Variants in RBFOX1 observed in about 807,000 individuals in gnomAD.
RBFOX1 encodes RNA binding fox-1 homolog 1, also known as RNA binding protein fox-1 homolog 1.
A neutral mutation model predicts 57.7 loss-of-function variants in RBFOX1; 8 were observed. The observed-to-expected ratio is 0.14, with a 90% confidence interval of 0.08 to 0.25. The LOEUF is 0.25. Ranked by LOEUF, RBFOX1 falls within the 10% of genes least tolerant of loss-of-function variation. The pLI, the probability that RBFOX1 is intolerant of heterozygous loss-of-function variation, is 1.00. For synonymous variants in RBFOX1, 326 were observed against 222.4 expected, an observed-to-expected ratio of 1.47 and a Z score of -4.15; for missense variants, 611 against 548.5, an observed-to-expected ratio of 1.11 and a Z score of -1.14.
intron 1 of RBFOX1, among the ~76,000 whole-genome samples, chr16:5,301,637 A>AAC (rs1555484677): frequency 6.6e-5 from 10 of 150,740 alleles, no homozygotes; most frequent in African/African-American, 1.5e-4. Flanking sequence ...AAAAAAAAAA[A>AAC]ACACACAAAA....
rs1017857510 is a variant in RBFOX1 at position 6,185,670 on chromosome 16, C to T, written c.-126-131325C>T. Among the ~76,000 whole-genome samples, 4 of 152,218 alleles carry T rather than the reference C, an allele frequency of 2.6e-5. No homozygotes were observed. In the East Asian group the frequency reaches 5.8e-4, roughly 22 times the overall value. ...TAGAATATAATATTTCACCCCTATACACTTGTGGGTCTAAATTGTTAATGT... is the reference window on the plus strand; with the variant it reads ...TAGAATATAATATTTCACCCCTATATACTTGTGGGTCTAAATTGTTAATGT... On this transcript the variant is annotated intron_variant, in intron 1 of 15. Transcript: ENST00000550418.
At chr16:5,628,286 C>T (rs978800089) in intron 3 of RBFOX1, among the ~76,000 whole-genome samples, 1 of 152,166 alleles carries the variant, frequency 6.6e-6, no homozygotes, top group African/African-American at 2.4e-5. Flanking sequence ...AAATGGTGAT[C>T]CTACCTGTGA....
At chr16:6,602,827 G>T (rs560741579) in intron 2 of RBFOX1, among the ~76,000 whole-genome samples, 1 of 152,054 alleles carries the variant, frequency 6.6e-6, no homozygotes. Flanking sequence ...AAGACAACTG[G>T]AGCTCATGCC....
intron 3 of RBFOX1, among the ~76,000 whole-genome samples, chr16:6,927,295 A>C (rs1465827670): frequency 2.0e-5 from 3 of 151,370 alleles, no homozygotes; most frequent in African/African-American, 7.3e-5. Flanking sequence ...CACCTGTAGT[A>C]TCAGCTACTT....
intron 3 of RBFOX1, among the ~76,000 whole-genome samples, chr16:6,782,872 C>T (rs965347497): frequency 6.6e-6 from 1 of 152,100 alleles, no homozygotes; most frequent in Non-Finnish European, 1.5e-5. Context: ...CTGTTTCTCT[C>T]TTTATCTCTA....
intron 2 of RBFOX1, among the ~76,000 whole-genome samples, chr16:6,424,982 A>G (rs554321380): frequency 7.2e-5 from 11 of 152,322 alleles, no homozygotes; most frequent in South Asian, 2.1e-4. Flanking sequence ...AGGAAAAAAT[A>G]CTCTACAATA....
At chr16:6,063,506 C>CACACACACACACA (rs780793142) in intron 1 of RBFOX1, among the ~76,000 whole-genome samples, 1 of 42,526 alleles carries the variant, frequency 2.4e-5, no homozygotes, top group Admixed American at 2.2e-4. Context: ...CACACACACA[C>CACACACACACACA]CCCCTTATAT....
At chr16:6,069,833 A>G (rs1424094703) in intron 1 of RBFOX1, among the ~76,000 whole-genome samples, 2 of 151,970 alleles carry the variant, frequency 1.3e-5, no homozygotes, top group Non-Finnish European at 2.9e-5. Flanking sequence ...CTAAAAATGC[A>G]ATAATTAGGC....
rs1050947865 is a variant in RBFOX1, at chr16:7,315,458, C to G, written c.28-202689C>G. The stretch of plus-strand genomic sequence containing the variant: ...TGATTAAAGCCCTACTCTACCCTAC[C>G]CCCCCCCCCATACTGGGGGCTTGAA... On this transcript the variant is annotated intron_variant, in intron 4 of 15. Coordinates refer to ENST00000550418, the MANE Select transcript of RBFOX1 (RefSeq NM_018723.4). Among the ~76,000 whole-genome samples the G allele has an allele frequency of 7.2e-4, 56 of 78,066 alleles. 1 individual carries two copies. The highest frequency in any genetic ancestry group is 4.1e-3 in the African/African-American group (51 of 12,478). 51.2% of individuals were successfully genotyped at this position (78,066 alleles called of 152,430 possible). A position where few individuals can be genotyped will look rare whatever the true frequency, so the allele number is the denominator to read the frequency against.
At chr16:6,885,817 C>T (rs1413628601) in intron 3 of RBFOX1, among the ~76,000 whole-genome samples, 5 of 152,216 alleles carry the variant, frequency 3.3e-5, no homozygotes, top group African/African-American at 9.6e-5. Flanking sequence ...GGGCATGAAT[C>T]ACTGCACCCG....
intron 4 of RBFOX1, among the ~76,000 whole-genome samples, chr16:7,408,497 G>C: frequency 6.6e-6 from 1 of 152,182 alleles, no homozygotes; most frequent in East Asian, 1.9e-4. Flanking sequence ...GATCTGCTGA[G>C]AAGTAGCTAA....
intron 4 of RBFOX1, among the ~76,000 whole-genome samples, chr16:7,178,327 G>A (rs2082064656): frequency 6.6e-6 from 1 of 152,136 alleles, no homozygotes; most frequent in Non-Finnish European, 1.5e-5. Context: ...AAGAGGAGAA[G>A]GTCTTCCAAT....
chr16:5,716,400 C>G (rs1045042482), intron 3 of RBFOX1, among the ~76,000 whole-genome samples: 7 of 152,196 alleles, frequency 4.6e-5, no homozygotes, highest in African/African-American at 1.7e-4. Flanking sequence ...CCTCCTCTCA[C>G]CTTCCACCCT....
intron 4 of RBFOX1, among the ~76,000 whole-genome samples, chr16:7,315,667 T>TATATATATATATATAA (rs1568172968): frequency 4.8e-4 from 69 of 143,652 alleles, no homozygotes; most frequent in African/African-American, 1.7e-3. Flanking sequence ...TATATATATA[T>TATATATATATATATAA]GGAACATTAC....
intron 3 of RBFOX1, among the ~76,000 whole-genome samples, chr16:7,009,203 CCT>C (rs1036370438): frequency 8.7e-5 from 11 of 126,132 alleles, no homozygotes; most frequent in African/African-American, 2.9e-4. Context: ...TCTTCCTTTC[CCT>C]CTTTCTCTCT....
At chr16:5,792,031 C>T (rs2054718907) in intron 3 of RBFOX1, among the ~76,000 whole-genome samples, 1 of 152,188 alleles carries the variant, frequency 6.6e-6, no homozygotes, top group Non-Finnish European at 1.5e-5. Flanking sequence ...GCAACCCAGG[C>T]ACCCTGCAGA....
At chr16:6,557,162 C>CATATAT (rs2097116176) in intron 2 of RBFOX1, among the ~76,000 whole-genome samples, 10 of 141,484 alleles carry the variant, frequency 7.1e-5, no homozygotes, top group African/African-American at 2.5e-4. Flanking sequence ...CATATATATA[C>CATATAT]ACATATATAT....
chr16:6,899,165 T>G (rs190302533), intron 3 of RBFOX1, among the ~76,000 whole-genome samples: 2 of 144,422 alleles, frequency 1.4e-5, no homozygotes, highest in Non-Finnish European at 3.1e-5. Flanking sequence ...ATGTAACATG[T>G]GTATGTGTGT....
chr16:6,845,973 A>C (rs2093734332), intron 3 of RBFOX1, among the ~76,000 whole-genome samples: 1 of 152,220 alleles, frequency 6.6e-6, no homozygotes, highest in Non-Finnish European at 1.5e-5. Flanking sequence ...TGTTACTGAT[A>C]AAATAATGCA....
Sources: allele counts gnomAD v4.1 joint callset (sites outside exome capture counted in the v4.1 genomes callset), GRCh38; gene constraint gnomAD v4.1.1; transcripts MANE v1.5; gene names NCBI Gene and HGNC (gene_info 2026-07-23, HGNC 2026-07-21).